The following PRKN variants were observed in gnomAD, a reference collection of about 807,000 sequenced individuals.
PRKN encodes the protein parkin RBR E3 ubiquitin protein ligase.
Under a neutral mutation model 59.5 loss-of-function variants are expected in PRKN, and 56 were observed. That is an observed-to-expected ratio of 0.94 (90% CI 0.76 to 1.18). The LOEUF is 1.18. PRKN is among the 50% of genes most tolerant of loss of function. PRKN has a pLI of 0.00. For synonymous variants in PRKN, 250 were observed against 222.1 expected, an observed-to-expected ratio of 1.13 and a Z score of -1.12; for missense variants, 657 against 596.4, an observed-to-expected ratio of 1.10 and a Z score of -1.06.
intron 1 of PRKN, among the ~76,000 whole-genome samples, chr6:162,520,587 T>C (rs1046716191): frequency 3.0e-4 from 45 of 152,284 alleles, no homozygotes; most frequent in African/African-American, 1.0e-3. Context: ...CAAATATTAT[T>C]ACAAACCAAT....
rs546381053 is a variant in PRKN at position 161,762,657 on chromosome 6, T to C, written c.871+23115A>G. 2.5e-3 allele frequency among the ~76,000 whole-genome samples: 386 copies of C among 152,312 alleles called. 2 individuals are homozygous for C. The highest frequency in any genetic ancestry group is 4.4e-3 in the Non-Finnish European group (302 of 68,022). ...ATAACTACAAAAACCGGTGGCCACATGTGAAGTTTGGCACACAATGCATTC... is the reference window on the plus strand; with the variant it reads ...ATAACTACAAAAACCGGTGGCCACACGTGAAGTTTGGCACACAATGCATTC... On this transcript the variant is annotated intron_variant, in intron 7 of 11. Transcript: ENST00000366898.
rs374199830 is a variant in PRKN at position 161,712,195 on chromosome 6, T to C, written c.871+73577A>G. ...AAGTGGGAAATCACTTGGGAGAATA[T>C]TCAAATGTGGGCCTCAAGTAAATGA... is the stretch of plus-strand genomic sequence containing the variant. On this transcript the variant is annotated intron_variant, in intron 7 of 11. Coordinates refer to ENST00000366898, the MANE Select transcript of PRKN (RefSeq NM_004562.3). Among the ~76,000 whole-genome samples the C allele has an allele frequency of 3.0e-4, 46 of 152,258 alleles. No individual in the cohort carries two copies. In the East Asian group the frequency reaches 6.0e-3, roughly 20 times the overall value.
chr6:161,583,285 A>G (rs1781410088), intron 7 of PRKN, among the ~76,000 whole-genome samples: 1 of 152,324 alleles, frequency 6.6e-6, no homozygotes, highest in South Asian at 2.1e-4. Context: ...AGCAGTTAGG[A>G]CAAATGGTGT....
chr6:161,599,549 C>T (rs1055376435), intron 7 of PRKN, among the ~76,000 whole-genome samples: 1 of 152,148 alleles, frequency 6.6e-6, no homozygotes, highest in Non-Finnish European at 1.5e-5. Flanking sequence ...ATTGGAATTA[C>T]AGTTGACTTA....
chr6:161,773,563 A>G (rs1238072618), intron 7 of PRKN, among the ~76,000 whole-genome samples: 1 of 152,108 alleles, frequency 6.6e-6, no homozygotes, highest in Non-Finnish European at 1.5e-5. Flanking sequence ...AATCCTAAAG[A>G]CAGCTGTTTT....
rs765842542 is a variant in PRKN at position 161,359,772 on chromosome 6, A to G, written c.1285+316T>C. On this transcript the variant is annotated intron_variant, in intron 11 of 11. Transcript: ENST00000366898. The surrounding 1 kb of genome is among the most constrained non-coding windows in gnomAD (Gnocchi z 5.4). ...GAAGGTCACCAGGGAGGACAGAAAA[A>G]CCACAGCTGCCTCCTGACTGCCACT... Among the ~76,000 whole-genome samples, 1 of 152,124 alleles carries G rather than the reference A, an allele frequency of 6.6e-6. No homozygotes were observed.
chr6:161,724,440 T>A (rs1288767125), intron 7 of PRKN, among the ~76,000 whole-genome samples: 1 of 152,232 alleles, frequency 6.6e-6, no homozygotes, highest in Non-Finnish European at 1.5e-5. Context: ...ATTGCTTCTC[T>A]CTCAGGGATG....
Position 162,302,963 on chromosome 6 carries a change from TACACACACAC to T in PRKN, c.172-40208_172-40199del, listed in dbSNP as rs71004084. On this transcript the variant is annotated intron_variant, in intron 2 of 11. Coordinates refer to ENST00000366898, the MANE Select transcript of PRKN (RefSeq NM_004562.3). ...GGGTGAGTATTATATGCCTTAAACATACACACACACACACACACACACACACACACACACA... is the reference window on the plus strand; with the variant it reads ...GGGTGAGTATTATATGCCTTAAACATACACACACACACACACACACACACA... Among the ~76,000 whole-genome samples, 45 of 139,592 alleles carry T rather than the reference TACACACACAC, an allele frequency of 3.2e-4. 1 individual carries two copies. The highest frequency in any genetic ancestry group is 3.0e-3 in the South Asian group (13 of 4,312). The allele number at this position is 139,592 out of a possible 152,430, so 91.6% of individuals were successfully genotyped here. A position where few individuals can be genotyped will look rare whatever the true frequency, so the allele number is the denominator to read the frequency against.
intron 1 of PRKN, among the ~76,000 whole-genome samples, chr6:162,706,203 A>G: frequency 6.6e-6 from 1 of 152,032 alleles, no homozygotes; most frequent in East Asian, 1.9e-4. Flanking sequence ...AAATTCAAGC[A>G]ATGAATTAAA....
At chr6:161,889,214 C>T (rs755980470) in intron 6 of PRKN, among the ~76,000 whole-genome samples, 20 of 151,892 alleles carry the variant, frequency 1.3e-4, no homozygotes, top group Middle Eastern at 3.4e-3. Context: ...TGAGGGTCAC[C>T]GAAGAAAAGT....
At chr6:161,673,434 G>A (rs369728635) in intron 7 of PRKN, among the ~76,000 whole-genome samples, 1 of 152,174 alleles carries the variant, frequency 6.6e-6, no homozygotes, top group Non-Finnish European at 1.5e-5. Context: ...ACCCTGACGG[G>A]AAGCAGATTG....
At chr6:161,715,718 A>G (rs1472790244) in intron 7 of PRKN, among the ~76,000 whole-genome samples, 1 of 152,174 alleles carries the variant, frequency 6.6e-6, no homozygotes, top group African/African-American at 2.4e-5. Flanking sequence ...CTCAGCTGAC[A>G]GAGGACGTTA....
At position 161,647,344 on chromosome 6, in the gene PRKN, G is replaced by A. The variant is rs548613294; in HGVS notation, c.872-77928C>T. On this transcript the variant is annotated intron_variant, in intron 7 of 11. Transcript: ENST00000366898. ...AAAAACTGGTTAATAGCATCTCGTC[G>A]ACAGGCGTGGCTCTCTGCCCCTGCT... 9.2e-5 allele frequency among the ~76,000 whole-genome samples: 14 copies of A among 152,330 alleles called. No individual in the cohort carries two copies. In the East Asian group the frequency reaches 2.3e-3, roughly 25 times the overall value.
intron 7 of PRKN, among the ~76,000 whole-genome samples, chr6:161,718,338 C>T (rs1016253145): frequency 1.4e-4 from 21 of 151,726 alleles, no homozygotes; most frequent in East Asian, 7.7e-4. Flanking sequence ...AAACATCATT[C>T]GCCTAATAAT....
intron 2 of PRKN, among the ~76,000 whole-genome samples, chr6:162,297,073 C>A (rs1344416809): frequency 6.6e-6 from 1 of 152,130 alleles, no homozygotes; most frequent in Non-Finnish European, 1.5e-5. Flanking sequence ...CGAAATTAAT[C>A]CCCATGATTT....
rs1021586268 is a variant in PRKN at position 161,719,857 on chromosome 6, C to T, written c.871+65915G>A. Among the ~76,000 whole-genome samples, 7 of 152,196 alleles carry T rather than the reference C, an allele frequency of 4.6e-5. No individual in the cohort carries two copies. In the South Asian group the frequency reaches 8.3e-4, roughly 18 times the overall value. On this transcript the variant is annotated intron_variant, in intron 7 of 11. Transcript: ENST00000366898. ...ATGGTGCCCAAGCTGGTCTTGAACT[C>T]CTGGCCTCAAGCGATCCTCCAGCCT...
rs556118323 is a variant in PRKN, at chr6:162,237,912, C to T, written c.412+24613G>A. 1.3e-3 allele frequency among the ~76,000 whole-genome samples: 196 copies of T among 152,178 alleles called. 1 individual carries two copies. The highest frequency in any genetic ancestry group is 4.3e-3 in the African/African-American group (180 of 41,508). ...CAGGGACCAGAGGATCTCCTTTGTC[C>T]CTGTACATACACGCAAGAACGCACA... is the stretch of plus-strand genomic sequence containing the variant. On this transcript the variant is annotated intron_variant, in intron 3 of 11. Coordinates refer to ENST00000366898, the MANE Select transcript of PRKN (RefSeq NM_004562.3).
chr6:162,050,474 C>CTT (rs5881447), intron 5 of PRKN, among the ~76,000 whole-genome samples: 22 of 149,568 alleles, frequency 1.5e-4, no homozygotes, highest in African/African-American at 2.0e-4. Context: ...CACCCCCTCT[C>CTT]TTTTTTTTTC....
Position 162,516,424 on chromosome 6 carries a change from T to A in PRKN, c.8-72951A>T, listed in dbSNP as rs184349774. Among the ~76,000 whole-genome samples the A allele has an allele frequency of 3.3e-5, 5 of 152,226 alleles. No homozygotes were observed. The East Asian group carries it at 9.7e-4, about 29-fold the overall frequency. Reference sequence around the variant, plus strand: ...TCTCTTACATCAGACTTAGCTAGATTCCTGTATCACTACTCGGTTATATTA... The same window carrying A: ...TCTCTTACATCAGACTTAGCTAGATACCTGTATCACTACTCGGTTATATTA... On this transcript the variant is annotated intron_variant, in intron 1 of 11. Transcript: ENST00000366898.
Sources: allele counts gnomAD v4.1 joint callset (sites outside exome capture counted in the v4.1 genomes callset), GRCh38; gene constraint gnomAD v4.1.1; non-coding constraint Gnocchi (gnomAD v3.1); transcripts MANE v1.5; gene names NCBI Gene and HGNC (gene_info 2026-07-23, HGNC 2026-07-21).